Variants in LDB2 observed in about 807,000 individuals in gnomAD.
LDB2 encodes LIM domain binding 2.
In LDB2, 12 loss-of-function variants were observed where a neutral mutation model predicts 44.3. The observed-to-expected ratio is 0.27, with a 90% CI of 0.17 to 0.44. The LOEUF (loss-of-function observed/expected upper bound fraction) is 0.44. Among genes scored for constraint, LDB2 ranks in the 20% least tolerant of loss-of-function variants. LDB2 has a pLI of 1.00. For synonymous variants in LDB2, 164 were observed against 174.8 expected (o/e 0.94, Z 0.49); for missense variants, 344 against 473.5 (o/e 0.73, Z 2.54).
At chr4:16,650,377 T>C (rs372409576) in intron 2 of LDB2, among the ~76,000 whole-genome samples, 1 of 152,184 alleles carries the variant, frequency 6.6e-6, no homozygotes, top group African/African-American at 2.4e-5. Flanking sequence ...CTTGTTGGTT[T>C]GCTTGGTGTA....
intron 6 of LDB2, among the ~76,000 whole-genome samples, chr4:16,509,588 C>T (rs1720905124): frequency 6.6e-6 from 1 of 151,996 alleles, no homozygotes; most frequent in Non-Finnish European, 1.5e-5. Context: ...TTAATGTTTC[C>T]AATGCACTAT....
chr4:16,618,637 A>G (rs1343526780), intron 2 of LDB2, among the ~76,000 whole-genome samples: 3 of 152,226 alleles, frequency 2.0e-5, no homozygotes, highest in African/African-American at 7.2e-5. Flanking sequence ...TCTGTTCAAC[A>G]GAGAGGACAG....
At chr4:16,696,943 A>G (rs1752255604) in intron 2 of LDB2, among the ~76,000 whole-genome samples, 1 of 152,160 alleles carries the variant, frequency 6.6e-6, no homozygotes, top group Admixed American at 6.5e-5. Context: ...TGATTCTAAT[A>G]TCAGCCAGAT....
chr4:16,638,714 C>T (rs867896115), intron 2 of LDB2, among the ~76,000 whole-genome samples: 2 of 152,140 alleles, frequency 1.3e-5, no homozygotes, highest in Non-Finnish European at 2.9e-5. Flanking sequence ...ATAACTTCTA[C>T]CTGCCAAGCA....
At chr4:16,716,810 C>T (rs1326653263) in intron 2 of LDB2, among the ~76,000 whole-genome samples, 2 of 151,886 alleles carry the variant, frequency 1.3e-5, no homozygotes, top group Non-Finnish European at 2.9e-5. Context: ...GGCACTTGTC[C>T]CATTATAGTA....
chr4:16,813,498 A>G (rs1262822883), intron 1 of LDB2, among the ~76,000 whole-genome samples: 1 of 152,198 alleles, frequency 6.6e-6, no homozygotes, highest in Non-Finnish European at 1.5e-5. Context: ...CTGGAGCTTC[A>G]ACACTCAAGA....
At chr4:16,739,250 A>G (rs1299736586) in intron 2 of LDB2, among the ~76,000 whole-genome samples, 2 of 151,984 alleles carry the variant, frequency 1.3e-5, no homozygotes, top group Non-Finnish European at 2.9e-5. Flanking sequence ...CAGCAAGTAA[A>G]AAGCAAAAAA....
intron 5 of LDB2, among the ~76,000 whole-genome samples, chr4:16,528,485 G>C (rs1729022617): frequency 6.6e-6 from 1 of 152,256 alleles, no homozygotes; most frequent in Non-Finnish European, 1.5e-5. Flanking sequence ...CCTTTGGTCT[G>C]AGAGAGTTGG....
At chr4:16,646,144 T>A (rs1172547401) in intron 2 of LDB2, among the ~76,000 whole-genome samples, 1 of 152,230 alleles carries the variant, frequency 6.6e-6, no homozygotes, top group Non-Finnish European at 1.5e-5. Context: ...ATCTACAAAT[T>A]CCTTCACCCT....
At chr4:16,795,931 C>A (rs1468338953) in intron 1 of LDB2, among the ~76,000 whole-genome samples, 2 of 152,090 alleles carry the variant, frequency 1.3e-5, no homozygotes, top group Admixed American at 1.3e-4. Context: ...GTGTGTTAAC[C>A]AATGTTTGGG....
intron 2 of LDB2, among the ~76,000 whole-genome samples, chr4:16,675,909 T>C (rs1415364167): frequency 6.6e-6 from 1 of 152,236 alleles, no homozygotes; most frequent in Non-Finnish European, 1.5e-5. Flanking sequence ...TGGAATTCCA[T>C]TAAATGACAT....
At chr4:16,517,012 GTCT>G (rs1353675830) in intron 5 of LDB2, among the ~76,000 whole-genome samples, 16 of 152,216 alleles carry the variant, frequency 1.1e-4, no homozygotes, top group Non-Finnish European at 1.9e-4. Context: ...ATAAGAGCCT[GTCT>G]TCTTTGGCAG....
chr4:16,682,525 A>G (rs1304563979), intron 2 of LDB2, among the ~76,000 whole-genome samples: 1 of 152,210 alleles, frequency 6.6e-6, no homozygotes, highest in Non-Finnish European at 1.5e-5. Context: ...GATACCCAGT[A>G]AATGTTTATT....
intron 2 of LDB2, among the ~76,000 whole-genome samples, chr4:16,718,720 T>C (rs1044315054): frequency 6.6e-6 from 1 of 152,126 alleles, no homozygotes; most frequent in East Asian, 1.9e-4. Context: ...GTACGAAATA[T>C]TGTATCAAAT....
intron 2 of LDB2, among the ~76,000 whole-genome samples, chr4:16,721,097 T>G (rs1758174093): frequency 6.6e-6 from 1 of 152,158 alleles, no homozygotes; most frequent in African/African-American, 2.4e-5. Context: ...ATATTTAATC[T>G]CCATCATATT....
At chr4:16,602,631 T>C (rs1722879556) in intron 2 of LDB2, among the ~76,000 whole-genome samples, 1 of 152,198 alleles carries the variant, frequency 6.6e-6, no homozygotes, top group Admixed American at 6.5e-5. Context: ...ATTTTCCAGC[T>C]GCCAACATGG....
intron 2 of LDB2, among the ~76,000 whole-genome samples, chr4:16,661,027 T>G (rs1252215235): frequency 6.6e-6 from 1 of 152,214 alleles, no homozygotes; most frequent in East Asian, 1.9e-4. Context: ...AATAGACTTT[T>G]GATTATAAAG....
rs111749540 is a variant in LDB2, at chr4:16,846,483, A to G, written c.132+51871T>C. On this transcript the variant is annotated intron_variant, in intron 1 of 7. Coordinates refer to ENST00000304523, the MANE Select transcript of LDB2 (RefSeq NM_001290.5). Reference sequence around the variant, plus strand: ...TAACTTATTGGAAGTGAGTCTAAAAATTCTATCTATATATTTTTTATGGCC... The same window carrying G: ...TAACTTATTGGAAGTGAGTCTAAAAGTTCTATCTATATATTTTTTATGGCC... 6.1e-3 allele frequency among the ~76,000 whole-genome samples: 931 copies of G among 152,312 alleles called. 9 individuals are homozygous for G. Among genetic ancestry groups the G allele is most frequent in the African/African-American group, 0.022 (899 of 41,582 alleles).
At chr4:16,748,752 ACT>A in intron 2 of LDB2, among the ~76,000 whole-genome samples, 1 of 152,328 alleles carries the variant, frequency 6.6e-6, no homozygotes, top group Non-Finnish European at 1.5e-5. Flanking sequence ...TCAGCTGAAC[ACT>A]GATTTTTCCA....
Sources: gnomAD v4.1 joint callset for allele counts (sites outside exome capture counted in the v4.1 genomes callset) on GRCh38, gnomAD v4.1.1 for gene constraint, MANE v1.5 for transcripts, NCBI Gene and HGNC (gene_info 2026-07-23, HGNC 2026-07-21) for gene names.